DPY19L2: variants seen among roughly 807,000 people sequenced by gnomAD.
The protein encoded by DPY19L2 is dpy-19 like 2, also known as probable C-mannosyltransferase DPY19L2.
In DPY19L2, 34 loss-of-function variants were observed where a neutral mutation model predicts 97.9. That is an observed-to-expected ratio of 0.35 (90% CI 0.26 to 0.46). The LOEUF (loss-of-function observed/expected upper bound fraction) is 0.46, where lower values mean the gene tolerates loss of function less well. Among genes scored for constraint, DPY19L2 ranks in the 20% least tolerant of loss-of-function variants. The pLI is 1.00. For synonymous variants in DPY19L2, 230 were observed against 307.9 expected (o/e 0.75, Z 2.65); for missense variants, 623 against 911.4 (o/e 0.68, Z 4.07).
chr12:63,562,664 C>A lies in DPY19L2; in HGVS notation c.2127-2002G>T, dbSNP rs184226141. 4.4e-3 allele frequency among the ~76,000 whole-genome samples: 671 copies of A among 152,106 alleles called. 6 individuals carry two copies. The highest frequency in any genetic ancestry group is 6.2e-3 in the Non-Finnish European group (421 of 67,980). ...CCTCCATAGTGTCAGCAACACTTGGCAGTTTTTTTTTCAATTATAGCTATT... is the reference window on the plus strand; with the variant it reads ...CCTCCATAGTGTCAGCAACACTTGGAAGTTTTTTTTTCAATTATAGCTATT... On this transcript the variant is annotated intron_variant, in intron 21 of 21. Coordinates refer to ENST00000324472, the MANE Select transcript of DPY19L2 (RefSeq NM_173812.5).
chr12:63,623,508 C>T (rs1889034152), intron 8 of DPY19L2, among the ~76,000 whole-genome samples: 1 of 151,848 alleles, frequency 6.6e-6, no homozygotes, highest in African/African-American at 2.4e-5. Context: ...TATATACAAA[C>T]GCATACCTTT....
At position 63,636,036 on chromosome 12, in the gene DPY19L2, G is replaced by A. The variant is rs546446623; in HGVS notation, c.803+8367C>T. 5.6e-3 allele frequency among the ~76,000 whole-genome samples: 851 copies of A among 152,166 alleles called. 7 individuals are homozygous for A. Among genetic ancestry groups the A allele is most frequent in the Non-Finnish European group, 8.9e-3 (603 of 67,996 alleles). On this transcript the variant is annotated intron_variant, in intron 6 of 21. Transcript: ENST00000324472. Reference sequence around the variant, plus strand: ...TAAAGGGCAGCCAGAGAGAAAGGTTGGGTTACCCACAAAGGGAAGCCCATG... The same window carrying A: ...TAAAGGGCAGCCAGAGAGAAAGGTTAGGTTACCCACAAAGGGAAGCCCATG...
In DPY19L2 at chr12:63,578,926, T is replaced by C. The variant is rs369759271; in HGVS notation, c.1900+1736A>G. On this transcript the variant is annotated intron_variant, in intron 19 of 21. Transcript: ENST00000324472. The stretch of plus-strand genomic sequence containing the variant: ...GAGGCCAAGGATTTCTTGTAATACA[T>C]AGGACAGCCTCAATGTCAACTGTGC... Among the ~76,000 whole-genome samples the C allele has an allele frequency of 1.6e-3, 238 of 152,054 alleles. 1 individual carries two copies. Among genetic ancestry groups the C allele is most frequent in the Non-Finnish European group, 2.6e-3 (179 of 67,936 alleles).
chr12:63,655,058 A>T (rs1261412959), intron 4 of DPY19L2, among the ~76,000 whole-genome samples: 1 of 152,178 alleles, frequency 6.6e-6, no homozygotes, highest in African/African-American at 2.4e-5. Context: ...GACTGGGAAA[A>T]TATGTTTGCA....
chr12:63,565,689 A>T (rs1877533402), intron 21 of DPY19L2, among the ~76,000 whole-genome samples: 1 of 152,084 alleles, frequency 6.6e-6, no homozygotes, highest in African/African-American at 2.4e-5. Flanking sequence ...GTGATAATTG[A>T]TATGGTTAGA....
rs1284868576 is a variant in DPY19L2 at position 63,658,074 on chromosome 12, T to C, written c.588+3270A>G. ...ATTTTCCTTGTTGTAGGAATGAGAGTGCCATCATTCCAGCTCTCTTCGTCA... is the reference window on the plus strand; with the variant it reads ...ATTTTCCTTGTTGTAGGAATGAGAGCGCCATCATTCCAGCTCTCTTCGTCA... On this transcript the variant is annotated intron_variant, in intron 4 of 21. Transcript: ENST00000324472. Among the ~76,000 whole-genome samples, 3 of 152,128 alleles carry C rather than the reference T, an allele frequency of 2.0e-5. No homozygotes were observed. In the East Asian group the frequency reaches 5.8e-4, roughly 29 times the overall value.
intron 11 of DPY19L2, among the ~76,000 whole-genome samples, chr12:63,611,850 A>C (rs934669943): frequency 1.3e-5 from 2 of 152,088 alleles, no homozygotes; most frequent in Non-Finnish European, 2.9e-5. Flanking sequence ...AGGCAGAAAA[A>C]TATTTGAAGA....
intron 21 of DPY19L2, among the ~76,000 whole-genome samples, chr12:63,568,074 G>A (rs1878095365): frequency 6.6e-6 from 1 of 151,772 alleles, no homozygotes; most frequent in Admixed American, 6.6e-5. Flanking sequence ...TATTTTTTCG[G>A]TAATGTTCTT....
At chr12:63,561,377 T>A (rs904417423) in intron 21 of DPY19L2, among the ~76,000 whole-genome samples, 1 of 152,174 alleles carries the variant, frequency 6.6e-6, no homozygotes, top group Non-Finnish European at 1.5e-5. Flanking sequence ...ACAATCGTAA[T>A]ACAGAAAATT....
chr12:63,612,678 T>C lies in DPY19L2; in HGVS notation c.1219-4003A>G, dbSNP rs117338286. Among the ~76,000 whole-genome samples, 594 of 145,400 alleles carry C rather than the reference T, an allele frequency of 4.1e-3. 5 individuals are homozygous for C. Among genetic ancestry groups the C allele is most frequent in the Admixed American group, 6.2e-3 (91 of 14,732 alleles). On this transcript the variant is annotated intron_variant, in intron 11 of 21. Transcript: ENST00000324472. ...GCAAAAGAAATGAGGTAATAAAGAATGAGTAGAAATCAATGAAACAGAAAA... is the reference window on the plus strand; with the variant it reads ...GCAAAAGAAATGAGGTAATAAAGAACGAGTAGAAATCAATGAAACAGAAAA...
intron 11 of DPY19L2, among the ~76,000 whole-genome samples, chr12:63,613,874 T>C (rs1887414842): frequency 6.6e-6 from 1 of 151,894 alleles, no homozygotes; most frequent in Non-Finnish European, 1.5e-5. Context: ...TGGACAGAAG[T>C]AAAACAAGTT....
At chr12:63,638,271 C>T (rs10784364) in intron 6 of DPY19L2, among the ~76,000 whole-genome samples, 113,972 of 152,022 alleles carry the variant, frequency 0.75, 43,995 homozygotes, top group African/African-American at 0.93. Context: ...GGGCAAAAAC[C>T]GGAAGCATTC....
At chr12:63,568,889 T>A (rs1878267052) in intron 21 of DPY19L2, among the ~76,000 whole-genome samples, 2 of 152,172 alleles carry the variant, frequency 1.3e-5, no homozygotes, top group African/African-American at 4.8e-5. Context: ...TAATACAGAA[T>A]GCCAATATCT....
chr12:63,623,143 G>A (rs1465165112), intron 8 of DPY19L2, among the ~76,000 whole-genome samples: 3 of 151,064 alleles, frequency 2.0e-5, no homozygotes, highest in Non-Finnish European at 3.0e-5. Flanking sequence ...TCTCTGATAA[G>A]GTTATTTATA....
At chr12:63,594,196 G>A (rs1276773385) in intron 15 of DPY19L2, 63 bp from the exon 16 acceptor site, 15 of 1,214,868 alleles carry the variant, frequency 1.2e-5, no homozygotes, top group African/African-American at 1.6e-5. Context: ...AAAATGCTCT[G>A]ATTCATTAAT....
At chr12:63,621,715 T>C in intron 8 of DPY19L2, among the ~76,000 whole-genome samples, 1 of 152,260 alleles carries the variant, frequency 6.6e-6, no homozygotes, top group African/African-American at 2.4e-5. Context: ...ACAACTTTTA[T>C]ATGCCACAAC....
At chr12:63,659,392 A>T in intron 4 of DPY19L2, among the ~76,000 whole-genome samples, 1 of 152,096 alleles carries the variant, frequency 6.6e-6, no homozygotes, top group Non-Finnish European at 1.5e-5. Context: ...ATGATCGTGG[A>T]TTGGAAAATT....
chr12:63,583,730 C>T, intron 17 of DPY19L2, 82 bp downstream of exon 17: 1 of 1,417,564 alleles, frequency 7.1e-7, no homozygotes, highest in Non-Finnish European at 9.9e-7. Flanking sequence ...GGTGCATCAG[C>T]AGCAAGGTTA....
chr12:63,623,382 A>G (rs1220075638), intron 8 of DPY19L2, among the ~76,000 whole-genome samples: 1 of 152,182 alleles, frequency 6.6e-6, no homozygotes, highest in Non-Finnish European at 1.5e-5. Context: ...TTGCACACAG[A>G]ACACTTTTTT....
Sources: allele counts gnomAD v4.1 joint callset (sites outside exome capture counted in the v4.1 genomes callset), GRCh38; gene constraint gnomAD v4.1.1; transcripts MANE v1.5; gene names NCBI Gene and HGNC (gene_info 2026-07-23, HGNC 2026-07-21).